The following LASP1 variants were observed in gnomAD, a reference collection of about 807,000 sequenced individuals.
The protein encoded by LASP1 is LIM and SH3 protein 1.
Under a neutral mutation model 38.6 loss-of-function variants are expected in LASP1, and 10 were observed. The observed-to-expected ratio is 0.26, with a 90% CI of 0.16 to 0.44. LASP1 has a LOEUF of 0.44. Among genes scored for constraint, LASP1 ranks in the 20% least tolerant of loss-of-function variants. LASP1 has a pLI of 1.00. For synonymous variants in LASP1, 132 were observed against 140.8 expected, an observed-to-expected ratio of 0.94 and a Z score of 0.44; for missense variants, 243 against 375.7, an observed-to-expected ratio of 0.65 and a Z score of 2.92.
chr17:38,897,703 C>T (rs1275746662), intron 3 of LASP1, among the ~76,000 whole-genome samples: 1 of 152,220 alleles, frequency 6.6e-6, no homozygotes, highest in East Asian at 1.9e-4. Flanking sequence ...CGCTGCTTTC[C>T]TCCCCTCCTA....
chr17:38,900,401 G>A (rs1598115320), intron 4 of LASP1, among the ~76,000 whole-genome samples: 1 of 104,264 alleles, frequency 9.6e-6, no homozygotes, highest in African/African-American at 3.1e-5. Flanking sequence ...AGGACCAGGC[G>A]CGGTGGCTCA....
At position 38,918,638 on chromosome 17, in the gene LASP1, G is replaced by A. The variant is rs1915204243; in HGVS notation, c.646G>A (p.Ala216Thr). ...CCGCGCGGTGTATGACTACAGCGCC[G>A]CCGACGAGGACGAGGTCTCCTTCCA... Reference protein sequence around the residue: ...RYRAVYDYSAADEDEVSFQDG... With the variant: ...RYRAVYDYSATDEDEVSFQDG... The change falls in exon 7 of 7, where the codon GCC becomes ACC. Residue 216 changes from alanine to threonine, a missense_variant. Transcript: ENST00000318008. This position sits in a 1 kb window ranked among gnomAD's most constrained non-coding sequence, Gnocchi z 4.4. The A allele has an allele frequency of 3.1e-6, 5 of 1,610,826 alleles. No homozygotes were observed. Among genetic ancestry groups the A allele is most frequent in the South Asian group, 1.1e-5 (1 of 90,976 alleles).
intron 2 of LASP1, among the ~76,000 whole-genome samples, chr17:38,883,744 T>C (rs944356642): frequency 3.4e-5 from 4 of 119,048 alleles, no homozygotes; most frequent in African/African-American, 1.1e-4. Flanking sequence ...GCAGGCTTTT[T>C]TTTTTTTTTT....
intron 4 of LASP1, among the ~76,000 whole-genome samples, chr17:38,902,093 G>A (rs371249922): frequency 2.0e-5 from 3 of 151,460 alleles, no homozygotes; most frequent in South Asian, 4.2e-4. Context: ...ACAGGGTTTC[G>A]CTCCGTCATC....
chr17:38,906,850 CCCTGAACCCACATGTA>C (rs1452608193), intron 4 of LASP1, among the ~76,000 whole-genome samples: 2 of 152,100 alleles, frequency 1.3e-5, no homozygotes, highest in African/African-American at 4.8e-5. Flanking sequence ...AGGCCTGGAC[CCCTGAACCCACATGTA>C]CTTGGACCTC....
At chr17:38,882,435 A>G (rs1913981960) in intron 2 of LASP1, among the ~76,000 whole-genome samples, 1 of 151,894 alleles carries the variant, frequency 6.6e-6, no homozygotes, top group South Asian at 2.1e-4. Flanking sequence ...TTTAGTAGAG[A>G]TGGGGTTTTT....
rs527741040 is a variant in LASP1 at position 38,892,947 on chromosome 17, G to A, written c.249+2443G>A. On this transcript the variant is annotated intron_variant, in intron 3 of 6. Coordinates refer to ENST00000318008, the MANE Select transcript of LASP1 (RefSeq NM_006148.4). Reference sequence around the variant, plus strand: ...AGGGCCTCACTGAGGGCCAGAGCGTGTCCGTGTGTGTATGTGTGTGTGTGT... The same window carrying A: ...AGGGCCTCACTGAGGGCCAGAGCGTATCCGTGTGTGTATGTGTGTGTGTGT... 6.6e-5 allele frequency among the ~76,000 whole-genome samples: 10 copies of A among 152,290 alleles called. No homozygotes were observed. The South Asian group carries it at 2.1e-3, about 32-fold the overall frequency.
chr17:38,878,081 C>T lies in LASP1; in HGVS notation c.70-5C>T. 6.2e-7 allele frequency: 1 copy of T among 1,609,896 alleles called. No individual in the cohort carries two copies. Among genetic ancestry groups the T allele is most frequent in the Non-Finnish European group, 8.5e-7 (1 of 1,176,210 alleles). On this transcript the variant is annotated splice_region_variant and splice_polypyrimidine_tract_variant and intron_variant, in intron 1 of 6. Transcript: ENST00000318008. Reference sequence around the variant, plus strand: ...TGATGTATGTCCTCCTGTCTCCATCCCCAGTTCTGGCATAAAGCATGCTTC... The same window carrying T: ...TGATGTATGTCCTCCTGTCTCCATCTCCAGTTCTGGCATAAAGCATGCTTC...
At chr17:38,887,696 G>A (rs1914182562) in intron 2 of LASP1, among the ~76,000 whole-genome samples, 2 of 152,166 alleles carry the variant, frequency 1.3e-5, no homozygotes, top group South Asian at 4.1e-4. Context: ...TGGCCCAAGG[G>A]AAAAAGGATT....
intron 4 of LASP1, chr17:38,898,748 G>C (rs1210077661): frequency 3.4e-6 from 2 of 596,396 alleles, no homozygotes; most frequent in Non-Finnish European, 6.3e-6. Flanking sequence ...ACTGTATTCT[G>C]TGGGGGCCTG....
chr17:38,895,448 G>A (rs1362787629), intron 3 of LASP1, among the ~76,000 whole-genome samples: 1 of 151,874 alleles, frequency 6.6e-6, no homozygotes, highest in Non-Finnish European at 1.5e-5. Context: ...AGCCTCCCAA[G>A]TAGCTGGGAT....
At chr17:38,899,677 A>G (rs901041691) in intron 4 of LASP1, among the ~76,000 whole-genome samples, 2 of 151,862 alleles carry the variant, frequency 1.3e-5, no homozygotes, top group East Asian at 3.9e-4. Context: ...ACAGGCATAC[A>G]TTTATGTAGA....
chr17:38,883,658 A>G (rs1198529421), intron 2 of LASP1, among the ~76,000 whole-genome samples: 2 of 151,814 alleles, frequency 1.3e-5, no homozygotes, highest in African/African-American at 2.4e-5. Context: ...TACGTTTTAC[A>G]GATGAGGAAA....
intron 1 of LASP1, among the ~76,000 whole-genome samples, chr17:38,871,540 CCCTGGGGCCAAGTTCATTACTGA>C (rs1379480736): frequency 6.6e-6 from 1 of 152,010 alleles, no homozygotes; most frequent in Admixed American, 6.6e-5. Flanking sequence ...GGGTATAGAG[CCCTGGGGCCAAGTTCATTACTGA>C]CCTGGAGCCA....
chr17:38,919,277 C>T lies in LASP1; in HGVS notation c.*499C>T, dbSNP rs1915229114. ...GGGACCAGTGGGATGGGCTCTACCTCTCTTTCTCAAAGAGGGGGCTCTGCC... is the reference window on the plus strand; with the variant it reads ...GGGACCAGTGGGATGGGCTCTACCTTTCTTTCTCAAAGAGGGGGCTCTGCC... On this transcript the variant is annotated 3_prime_UTR_variant, in exon 7 of 7. Transcript: ENST00000318008. The T allele has an allele frequency of 4.2e-6, 1 of 240,870 alleles. No individual in the cohort carries two copies. Among genetic ancestry groups the T allele is most frequent in the East Asian group, 6.0e-5 (1 of 16,784 alleles). 14.9% of individuals were successfully genotyped at this position (240,870 alleles called of 1,614,324 possible). A position where few individuals can be genotyped will look rare whatever the true frequency, so the allele number is the denominator to read the frequency against.
At chr17:38,906,373 G>GA (rs1171008949) in intron 4 of LASP1, among the ~76,000 whole-genome samples, 24 of 151,504 alleles carry the variant, frequency 1.6e-4, no homozygotes, top group Admixed American at 5.9e-4. Context: ...ACTAAAAATA[G>GA]AAAAAAATAG....
At chr17:38,897,832 C>T (rs1914530489) in intron 3 of LASP1, among the ~76,000 whole-genome samples, 1 of 152,240 alleles carries the variant, frequency 6.6e-6, no homozygotes, top group African/African-American at 2.4e-5. Flanking sequence ...GGCACCAACT[C>T]TGTCCTTTGG....
At chr17:38,876,176 CTTTTTTTTTTT>C (rs899457098) in intron 1 of LASP1, among the ~76,000 whole-genome samples, 8 of 127,632 alleles carry the variant, frequency 6.3e-5, no homozygotes, top group African/African-American at 2.2e-4. Flanking sequence ...GATCGTTTCT[CTTTTTTTTTTT>C]TTTTTTTTTG....
chr17:38,901,626 T>G (rs1914643250), intron 4 of LASP1, among the ~76,000 whole-genome samples: 1 of 152,192 alleles, frequency 6.6e-6, no homozygotes, highest in African/African-American at 2.4e-5. Flanking sequence ...GGAATCAGCA[T>G]GTTAGACACA....
Sources: allele counts gnomAD v4.1 joint callset (sites outside exome capture counted in the v4.1 genomes callset), GRCh38; gene constraint gnomAD v4.1.1; non-coding constraint Gnocchi (gnomAD v3.1); transcripts MANE v1.5; gene names NCBI Gene and HGNC (gene_info 2026-07-23, HGNC 2026-07-21).